The following TRIM9 variants were observed in gnomAD, a reference collection of about 807,000 sequenced individuals.
TRIM9 encodes the protein E3 ubiquitin-protein ligase TRIM9.
TRIM9 carries 26 observed loss-of-function variants against 78.3 expected under a neutral mutation model. The observed-to-expected ratio is 0.33, with a 90% CI of 0.24 to 0.46. The LOEUF is 0.46. Ranked by LOEUF, TRIM9 falls within the 20% of genes least tolerant of loss-of-function variation. TRIM9 has a pLI of 1.00. For synonymous variants in TRIM9, 398 were observed against 416.5 expected (o/e 0.96, Z 0.54); for missense variants, 787 against 1,036.4 (o/e 0.76, Z 3.30).
chr14:50,991,740 G>A (rs2053538905), intron 7 of TRIM9, among the ~76,000 whole-genome samples: 2 of 152,108 alleles, frequency 1.3e-5, no homozygotes, highest in African/African-American at 4.8e-5. Flanking sequence ...AGCCACAAAG[G>A]TACTAATTGT....
chr14:51,045,149 CTCAGCTGGT>C (rs1405308427), intron 1 of TRIM9, among the ~76,000 whole-genome samples: 2 of 152,200 alleles, frequency 1.3e-5, no homozygotes, highest in Non-Finnish European at 2.9e-5. Flanking sequence ...CCACCAGCTG[CTCAGCTGGT>C]GAGCTGGCGT....
chr14:51,091,822 G>C lies in TRIM9; in HGVS notation c.822+2296C>G, dbSNP rs3007083. On this transcript the variant is annotated intron_variant, in intron 1 of 12. Transcript: ENST00000684578. The stretch of plus-strand genomic sequence containing the variant: ...GTTTCAAGGGTTTTAACATTCTTTT[G>C]TGGCAGGTAGATATCTAAATCTCAA... Among the ~76,000 whole-genome samples, 4 of 152,126 alleles carry C rather than the reference G, an allele frequency of 2.6e-5. No homozygotes were observed. In the East Asian group the frequency reaches 7.7e-4, roughly 29 times the overall value.
chr14:51,092,352 C>A (rs757531805), intron 1 of TRIM9, among the ~76,000 whole-genome samples: 2 of 152,130 alleles, frequency 1.3e-5, no homozygotes, highest in Non-Finnish European at 2.9e-5. Context: ...CACATTCAAC[C>A]GGGTTAAGGA....
At position 51,037,872 on chromosome 14, in the gene TRIM9, A is replaced by G. The variant is rs535193750; in HGVS notation, c.823-12512T>C. 2.6e-5 allele frequency among the ~76,000 whole-genome samples: 4 copies of G among 152,196 alleles called. No individual in the cohort carries two copies. In the South Asian group the frequency reaches 6.2e-4, roughly 24 times the overall value. ...GGAGGGTAAAAGCCGTTCTTGTTAC[A>G]TGTACACCATTAAGCAGCATTAGTA... On this transcript the variant is annotated intron_variant, in intron 1 of 12. Coordinates refer to ENST00000684578, the MANE Select transcript of TRIM9 (RefSeq NM_001387360.1).
At chr14:51,066,074 A>T (rs1440709069) in intron 1 of TRIM9, among the ~76,000 whole-genome samples, 1 of 115,114 alleles carries the variant, frequency 8.7e-6, no homozygotes, top group Admixed American at 9.6e-5. Context: ...GGAAGGAAGG[A>T]AGGAAGGAAG....
At chr14:51,040,095 A>G (rs1683406782) in intron 1 of TRIM9, among the ~76,000 whole-genome samples, 1 of 152,186 alleles carries the variant, frequency 6.6e-6, no homozygotes. Context: ...ACTTTTAAAT[A>G]TATAACAGGA....
intron 7 of TRIM9, among the ~76,000 whole-genome samples, chr14:50,987,958 G>A (rs1021579562): frequency 1.3e-5 from 2 of 151,904 alleles, no homozygotes; most frequent in African/African-American, 2.4e-5. Flanking sequence ...GAGCCATCAC[G>A]CCCAGCTAAT....
intron 1 of TRIM9, among the ~76,000 whole-genome samples, chr14:51,080,161 A>G (rs983246522): frequency 5.9e-5 from 9 of 152,114 alleles, no homozygotes; most frequent in Non-Finnish European, 1.0e-4. Context: ...TTCTAGACAC[A>G]TGTGGAAACT....
chr14:51,054,568 C>T (rs61985052), intron 1 of TRIM9, among the ~76,000 whole-genome samples: 1 of 151,650 alleles, frequency 6.6e-6, no homozygotes, highest in African/African-American at 2.4e-5. Context: ...GAGCCATTGC[C>T]GCCGGCCAAT....
At position 50,976,425 on chromosome 14, in the gene TRIM9, T is replaced by C. The variant is rs918337876; in HGVS notation, c.*866A>G. The C allele has an allele frequency of 6.6e-6, 1 of 152,224 alleles. No homozygotes were observed. The highest frequency in any genetic ancestry group is 1.5e-5 in the Non-Finnish European group (1 of 68,044). The allele number at this position is 152,224 out of a possible 1,614,324, so 9.4% of individuals were successfully genotyped here. ...ATTTTTGCTTTTTCTCCTACTGGAA[T>C]ATAAGCTCCGAAGGGCAGAGACCAT... On this transcript the variant is annotated 3_prime_UTR_variant, in exon 13 of 13. Coordinates refer to ENST00000684578, the MANE Select transcript of TRIM9 (RefSeq NM_001387360.1).
At chr14:51,009,056 G>A (rs772375629) in intron 5 of TRIM9, 24 bp downstream of exon 5, 1 of 1,612,188 alleles carries the variant, frequency 6.2e-7, no homozygotes, top group Non-Finnish European at 8.5e-7. Flanking sequence ...GTTGCTCTCT[G>A]ACTTGGGGGA....
At chr14:51,036,541 C>T (rs1264614753) in intron 1 of TRIM9, among the ~76,000 whole-genome samples, 1 of 152,122 alleles carries the variant, frequency 6.6e-6, no homozygotes, top group African/African-American at 2.4e-5. Flanking sequence ...CCTTGGACAA[C>T]CCTAAATCAT....
intron 6 of TRIM9, among the ~76,000 whole-genome samples, chr14:50,999,118 G>T (rs1318563476): frequency 6.6e-6 from 1 of 152,134 alleles, no homozygotes; most frequent in Non-Finnish European, 1.5e-5. Context: ...GTAGGGTCTC[G>T]ATTTTGCATT....
intron 1 of TRIM9, chr14:51,090,148 T>C (rs1391912663): frequency 6.6e-6 from 1 of 152,210 alleles, no homozygotes; most frequent in Non-Finnish European, 1.5e-5. Flanking sequence ...TTAATATCTG[T>C]AAAAATGTTT....
chr14:51,060,534 T>G (rs2061264152), intron 1 of TRIM9, among the ~76,000 whole-genome samples: 1 of 152,166 alleles, frequency 6.6e-6, no homozygotes, highest in African/African-American at 2.4e-5. Context: ...TGGCACGATC[T>G]CGGCTGACTG....
chr14:51,016,230 C>T (rs1294723067), intron 3 of TRIM9, among the ~76,000 whole-genome samples: 1 of 152,188 alleles, frequency 6.6e-6, no homozygotes, highest in Non-Finnish European at 1.5e-5. Context: ...GGCAGGGGTC[C>T]TCAACCCCCG....
At chr14:51,048,872 T>C (rs1008733698) in intron 1 of TRIM9, among the ~76,000 whole-genome samples, 6 of 151,392 alleles carry the variant, frequency 4.0e-5, no homozygotes, top group Non-Finnish European at 1.5e-5. Context: ...TAGTCCCAGC[T>C]ACTCGGGAGG....
At chr14:51,030,660 T>C (rs1436962435) in intron 1 of TRIM9, among the ~76,000 whole-genome samples, 4 of 151,870 alleles carry the variant, frequency 2.6e-5, no homozygotes, top group Non-Finnish European at 5.9e-5. Context: ...AGAATGTGAG[T>C]TTAAGAGTGT....
chr14:50,998,390 A>G (rs1463132416), intron 6 of TRIM9, among the ~76,000 whole-genome samples: 1 of 152,154 alleles, frequency 6.6e-6, no homozygotes, highest in Non-Finnish European at 1.5e-5. Flanking sequence ...TATCCACCTT[A>G]TGAGGTTGGT....
Sources: allele counts gnomAD v4.1 joint callset (sites outside exome capture counted in the v4.1 genomes callset), GRCh38; gene constraint gnomAD v4.1.1; transcripts MANE v1.5; gene names NCBI Gene and HGNC (gene_info 2026-07-23, HGNC 2026-07-21).